Variants in KCNIP1 observed in about 807,000 individuals in gnomAD.
KCNIP1 encodes potassium voltage-gated channel interacting protein 1.
KCNIP1 carries 18 observed loss-of-function variants against 33.0 expected under a neutral mutation model. The ratio of observed to expected loss-of-function variants is 0.55; its 90% CI spans 0.38 to 0.81. The LOEUF (loss-of-function observed/expected upper bound fraction) is 0.81, where lower values mean the gene tolerates loss of function less well. Ranked by LOEUF, KCNIP1 falls within the 30% of genes least tolerant of loss-of-function variation. The probability of loss-of-function intolerance (pLI) is 0.00; values close to 1 mark genes in which losing one functional copy is unlikely to be tolerated. For missense variants in KCNIP1, 238 were observed against 271.6 expected (o/e 0.88, Z 0.87); for synonymous variants, 93 against 98.3 (o/e 0.95, Z 0.32).
intron 1 of KCNIP1, among the ~76,000 whole-genome samples, chr5:170,681,698 A>C (rs929678586): frequency 1.3e-5 from 2 of 152,256 alleles, no homozygotes; most frequent in African/African-American, 4.8e-5. Context: ...AAGAACCCTT[A>C]TTCCAAAGCC....
intron 6 of KCNIP1, 131 bp from the exon 7 acceptor site, chr5:170,733,705 C>T: frequency 1.4e-6 from 1 of 702,830 alleles, no homozygotes; most frequent in Admixed American, 2.5e-5. Flanking sequence ...ATTCTCAGGG[C>T]AAAGTTGGTT....
At chr5:170,444,403 C>A (rs919551365) in intron 1 of KCNIP1, among the ~76,000 whole-genome samples, 1 of 152,170 alleles carries the variant, frequency 6.6e-6, no homozygotes, top group African/African-American at 2.4e-5. Context: ...TGTCATTTGT[C>A]AAGACCCAGA....
At chr5:170,501,538 C>T (rs1484960152), upstream of KCNIP1, among the ~76,000 whole-genome samples, 2 of 152,236 alleles carry the variant, frequency 1.3e-5, no homozygotes, top group Non-Finnish European at 1.5e-5. Flanking sequence ...TCCAGAAGCA[C>T]TTTGCTATTT....
intron 1 of KCNIP1, chr5:170,712,950 T>A: frequency 7.4e-7 from 1 of 1,345,374 alleles, no homozygotes; most frequent in Non-Finnish European, 1.1e-6. Context: ...AGCTTCTTAA[T>A]CAAGCTCATG....
chr5:170,716,436 A>G (rs1763647091), intron 1 of KCNIP1, among the ~76,000 whole-genome samples: 1 of 152,214 alleles, frequency 6.6e-6, no homozygotes, highest in South Asian at 2.1e-4. Context: ...TTTACCTAAC[A>G]TCCACAGGCA....
At chr5:170,403,210 AG>A (rs1754952121) in intron 1 of KCNIP1, among the ~76,000 whole-genome samples, 1 of 152,160 alleles carries the variant, frequency 6.6e-6, no homozygotes, top group Non-Finnish European at 1.5e-5. Context: ...CCAGAAAGGG[AG>A]GGGGTGACAG....
chr5:170,510,447 C>G (rs1754889294), intron 1 of KCNIP1, among the ~76,000 whole-genome samples: 1 of 152,090 alleles, frequency 6.6e-6, no homozygotes, highest in Non-Finnish European at 1.5e-5. Context: ...GATGAGGAAT[C>G]CAGGTCTGCT....
chr5:170,664,069 T>A (rs1761604844), intron 1 of KCNIP1, among the ~76,000 whole-genome samples: 1 of 152,066 alleles, frequency 6.6e-6, no homozygotes, highest in South Asian at 2.1e-4. Context: ...GATCCCATCC[T>A]CAGTGTTAGC....
At chr5:170,407,351 A>G (rs574000170) in intron 1 of KCNIP1, among the ~76,000 whole-genome samples, 4 of 152,358 alleles carry the variant, frequency 2.6e-5, no homozygotes, top group Non-Finnish European at 2.9e-5. Flanking sequence ...AAACATTTAT[A>G]GATCTAAGGA....
chr5:170,486,521 A>G (rs762170345), intron 1 of KCNIP1: 2 of 152,234 alleles, frequency 1.3e-5, no homozygotes, highest in African/African-American at 4.8e-5. Flanking sequence ...TCAAGAACAA[A>G]AAGTGGTGGC....
At chr5:170,603,342 A>T (rs1438001956) in intron 1 of KCNIP1, among the ~76,000 whole-genome samples, 1 of 152,154 alleles carries the variant, frequency 6.6e-6, no homozygotes, top group East Asian at 1.9e-4. Flanking sequence ...GGCTGAAGGA[A>T]AAGCTTCCAC....
intron 1 of KCNIP1, among the ~76,000 whole-genome samples, chr5:170,374,084 C>A (rs766612306): frequency 2.0e-5 from 3 of 152,168 alleles, no homozygotes; most frequent in Non-Finnish European, 4.4e-5. Flanking sequence ...GCCTGTGCTG[C>A]CAATGAACAA....
At chr5:170,446,631 A>T (rs1163877870) in intron 1 of KCNIP1, among the ~76,000 whole-genome samples, 1 of 151,970 alleles carries the variant, frequency 6.6e-6, no homozygotes. Flanking sequence ...AGCTATTTTT[A>T]TTTATTTATT....
At chr5:170,493,255 G>A (rs1411735728) in intron 1 of KCNIP1, among the ~76,000 whole-genome samples, 1 of 152,176 alleles carries the variant, frequency 6.6e-6, no homozygotes, top group Non-Finnish European at 1.5e-5. Context: ...TGTGGCTCTG[G>A]CAGCTTGCAC....
At chr5:170,474,822 G>A (rs1203718724) in intron 1 of KCNIP1, among the ~76,000 whole-genome samples, 1 of 152,198 alleles carries the variant, frequency 6.6e-6, no homozygotes, top group Non-Finnish European at 1.5e-5. Flanking sequence ...AGCCCTCAAA[G>A]GTGGCAAGGA....
rs879721110 is a variant in KCNIP1 at position 170,589,781 on chromosome 5, T to TGC, written c.61+85149_61+85150insCG. Reference sequence around the variant, plus strand: ...TGGTGTGGTGTGGTGTGGTGTGGTGTGATGTGATGTGGTGTGCGGTGCGGT... The same window carrying TGC: ...TGGTGTGGTGTGGTGTGGTGTGGTGTGCGATGTGATGTGGTGTGCGGTGCGGT... On this transcript the variant is annotated intron_variant, in intron 1 of 7. Coordinates refer to ENST00000328939, the MANE Select transcript of KCNIP1 (RefSeq NM_014592.4). Among the ~76,000 whole-genome samples the TGC allele has an allele frequency of 2.4e-3, 292 of 120,876 alleles. 3 individuals carry two copies. Among genetic ancestry groups the TGC allele is most frequent in the Middle Eastern group, 4.0e-3 (1 of 248 alleles). 79.3% of individuals were successfully genotyped at this position (120,876 alleles called of 152,430 possible).
At chr5:170,370,700 G>A (rs1763820518) in intron 1 of KCNIP1, among the ~76,000 whole-genome samples, 1 of 152,210 alleles carries the variant, frequency 6.6e-6, no homozygotes, top group African/African-American at 2.4e-5. Context: ...CCTCAAGGAG[G>A]GAGACCTGAG....
At chr5:170,679,689 A>G (rs1762264948) in intron 1 of KCNIP1, among the ~76,000 whole-genome samples, 1 of 150,486 alleles carries the variant, frequency 6.6e-6, no homozygotes, top group Non-Finnish European at 1.5e-5. Context: ...AATAATATTA[A>G]CATTGGTAAT....
intron 1 of KCNIP1, among the ~76,000 whole-genome samples, chr5:170,433,750 G>A (rs139714269): frequency 0.012 from 1,822 of 152,288 alleles, 25 homozygotes; most frequent in Non-Finnish European, 0.018. Context: ...TGTATGTCAC[G>A]CACTATGCTA....
Sources: gnomAD v4.1 joint callset for allele counts (sites outside exome capture counted in the v4.1 genomes callset) on GRCh38, gnomAD v4.1.1 for gene constraint, MANE v1.5 for transcripts, NCBI Gene and HGNC (gene_info 2026-07-23, HGNC 2026-07-21) for gene names.